Variants in CALB2 observed in about 807,000 individuals in gnomAD.
CALB2 encodes calretinin.
A neutral mutation model predicts 45.9 loss-of-function variants in CALB2; 34 were observed. The ratio of observed to expected loss-of-function variants is 0.74; its 90% CI spans 0.56 to 0.99. The LOEUF (loss-of-function observed/expected upper bound fraction) is 0.99, where lower values mean the gene tolerates loss of function less well. CALB2 is among the 50% of genes least tolerant of loss of function. The probability of loss-of-function intolerance (pLI) is 0.00; values close to 1 mark genes in which losing one functional copy is unlikely to be tolerated. For missense variants in CALB2, 344 were observed against 339.3 expected (o/e 1.01, Z -0.11); for synonymous variants, 142 against 129.6 (o/e 1.10, Z -0.65).
chr16:71,382,058 GA>G (rs1204608500), intron 4 of CALB2, among the ~76,000 whole-genome samples: 2 of 118,706 alleles, frequency 1.7e-5, no homozygotes, highest in Non-Finnish European at 3.6e-5. Flanking sequence ...AGGAGGAGGA[GA>G]GGGGGAGGGG....
Position 71,389,892 on chromosome 16 carries a change from C to G in CALB2, c.*27C>G. On this transcript the variant is annotated 3_prime_UTR_variant, in exon 11 of 11. Transcript: ENST00000302628. ...GTGGGGACGGGGGCTGCTTCTCCACCTCCCCCAAACCCTGCTTCTGCTGCC... is the reference window on the plus strand; with the variant it reads ...GTGGGGACGGGGGCTGCTTCTCCACGTCCCCCAAACCCTGCTTCTGCTGCC... 6.6e-7 allele frequency: 1 copy of G among 1,511,126 alleles called. No homozygotes were observed. The highest frequency in any genetic ancestry group is 2.3e-5 in the East Asian group (1 of 44,344). The allele number at this position is 1,511,126 out of a possible 1,614,324, so 93.6% of individuals were successfully genotyped here. A position where few individuals can be genotyped will look rare whatever the true frequency, so the allele number is the denominator to read the frequency against.
At chr16:71,379,984 GA>G (rs1373703738) in intron 4 of CALB2, among the ~76,000 whole-genome samples, 9 of 152,080 alleles carry the variant, frequency 5.9e-5, no homozygotes, top group African/African-American at 1.9e-4. Flanking sequence ...CTGCCTGGGA[GA>G]AAAAAAGTTC....
intron 2 of CALB2, 111 bp from the exon 3 acceptor site, chr16:71,374,634 G>C: frequency 1.4e-6 from 1 of 703,906 alleles, no homozygotes; most frequent in Non-Finnish European, 2.6e-6. Flanking sequence ...AGCACAACTT[G>C]GTTCTGCACC....
At chr16:71,384,247 C>A (rs1029792858) in intron 7 of CALB2, 92 bp from the exon 8 acceptor site, 3 of 1,140,348 alleles carry the variant, frequency 2.6e-6, no homozygotes, top group Admixed American at 1.7e-5. Flanking sequence ...GAAATCATTT[C>A]TGTAACTGCA....
chr16:71,385,689 C>G (rs371229176), intron 10 of CALB2, 41 bp downstream of exon 10: 1 of 1,565,362 alleles, frequency 6.4e-7, no homozygotes, highest in South Asian at 1.1e-5. Flanking sequence ...GTCCCCAGGG[C>G]ACAGGAGAGG....
At chr16:71,376,271 G>C (rs886270581) in intron 3 of CALB2, among the ~76,000 whole-genome samples, 5 of 152,132 alleles carry the variant, frequency 3.3e-5, no homozygotes, top group Non-Finnish European at 7.4e-5. Flanking sequence ...AACAACTCCT[G>C]AGCCATACTT....
chr16:71,375,196 A>G (rs561817818), intron 3 of CALB2, among the ~76,000 whole-genome samples: 2 of 152,386 alleles, frequency 1.3e-5, no homozygotes, highest in East Asian at 3.9e-4. Flanking sequence ...TTTAAAAGTT[A>G]TATACATAAT....
chr16:71,361,386 G>C (rs2042237133), intron 1 of CALB2, among the ~76,000 whole-genome samples: 1 of 152,212 alleles, frequency 6.6e-6, no homozygotes, highest in African/African-American at 2.4e-5. Flanking sequence ...AAGGCTGCCA[G>C]GTGAGCCCAA....
chr16:71,385,234 C>A, intron 9 of CALB2: 1 of 338,896 alleles, frequency 3.0e-6, no homozygotes, highest in South Asian at 5.9e-5. Context: ...TGTCCCCTGC[C>A]CACATGACTC....
chr16:71,375,572 A>G (rs560512192), intron 3 of CALB2, among the ~76,000 whole-genome samples: 18 of 152,302 alleles, frequency 1.2e-4, no homozygotes, highest in African/African-American at 4.1e-4. Flanking sequence ...AAGAATGATG[A>G]TGGTGGCACA....
At chr16:71,380,509 T>C (rs569210201) in intron 4 of CALB2, among the ~76,000 whole-genome samples, 1 of 152,046 alleles carries the variant, frequency 6.6e-6, no homozygotes, top group African/African-American at 2.4e-5. Context: ...GGTTTCTCCA[T>C]GCTGGTCAGG....
At chr16:71,366,020 C>CTTTTTTTTTTTTTTTTTTTT (rs2042281945) in intron 1 of CALB2, among the ~76,000 whole-genome samples, 5 of 28,868 alleles carry the variant, frequency 1.7e-4, no homozygotes, top group African/African-American at 4.1e-4. Context: ...TTCCCTCTCT[C>CTTTTTTTTTTTTTTTTTTTT]TCTCTTTTTT....
chr16:71,388,082 C>A (rs1469149155), intron 10 of CALB2, among the ~76,000 whole-genome samples: 1 of 152,006 alleles, frequency 6.6e-6, no homozygotes, highest in Non-Finnish European at 1.5e-5. Flanking sequence ...CATGACTGTA[C>A]CTCAGTTTTC....
intron 4 of CALB2, 39 bp from the exon 5 acceptor site, chr16:71,382,680 T>A: frequency 6.2e-7 from 1 of 1,602,684 alleles, no homozygotes; most frequent in Non-Finnish European, 8.5e-7. Flanking sequence ...TAGATTTTGA[T>A]ACGTCTTTGC....
At chr16:71,385,409 A>G (rs2145002908) in intron 9 of CALB2, 168 bp from the exon 10 acceptor site, 1 of 509,658 alleles carries the variant, frequency 2.0e-6, no homozygotes, top group East Asian at 3.0e-5. Context: ...CCTTCCTGCC[A>G]TGACTGGTTA....
intron 1 of CALB2, among the ~76,000 whole-genome samples, chr16:71,364,947 C>T (rs528463653): frequency 3.5e-4 from 54 of 152,284 alleles, no homozygotes; most frequent in Non-Finnish European, 7.1e-4. Flanking sequence ...CTTCCCCCTC[C>T]GATTCCTCCT....
chr16:71,389,878 G>A lies in CALB2; in HGVS notation c.*13G>A, dbSNP rs1431554748. 1.3e-6 allele frequency: 2 copies of A among 1,588,068 alleles called. No individual in the cohort carries two copies. Among genetic ancestry groups the A allele is most frequent in the African/African-American group, 1.3e-5 (1 of 74,372 alleles). ...GCCCCCCATGTAAAGTGGGGACGGG[G>A]GCTGCTTCTCCACCTCCCCCAAACC... On this transcript the variant is annotated 3_prime_UTR_variant, in exon 11 of 11. Transcript: ENST00000302628.
At chr16:71,384,717 C>T (rs1469803125) in intron 8 of CALB2, 66 bp from the exon 9 acceptor site, 16 of 664,952 alleles carry the variant, frequency 2.4e-5, no homozygotes, top group Non-Finnish European at 2.3e-5. Flanking sequence ...CACACACACA[C>T]AAACGCACAC....
At chr16:71,374,692 A>G in intron 2 of CALB2, 53 bp from the exon 3 acceptor site, 1 of 1,228,986 alleles carries the variant, frequency 8.1e-7, no homozygotes, top group African/African-American at 1.5e-5. Context: ...CTCTGAGATC[A>G]TGGTTCACAT....
Sources: gnomAD v4.1 joint callset for allele counts (sites outside exome capture counted in the v4.1 genomes callset) on GRCh38, gnomAD v4.1.1 for gene constraint, MANE v1.5 for transcripts, NCBI Gene and HGNC (gene_info 2026-07-23, HGNC 2026-07-21) for gene names.